Variants in SIDT2 observed in about 807,000 individuals in gnomAD.
SIDT2 encodes the protein SID1 transmembrane family member 2, also known as SID1 transmembrane family, member 2.
Under a neutral mutation model 114.4 loss-of-function variants are expected in SIDT2, and 68 were observed. The ratio of observed to expected loss-of-function variants is 0.59; its 90% confidence interval spans 0.49 to 0.73. The LOEUF is 0.73. SIDT2 is among the 30% of genes least tolerant of loss of function. SIDT2 has a pLI of 0.00. For synonymous variants in SIDT2, 470 were observed against 438.4 expected (o/e 1.07, Z -0.90); for missense variants, 918 against 1,097.1 (o/e 0.84, Z 2.31).
chr11:117,179,387 G>C lies in SIDT2; in HGVS notation c.124G>C (p.Glu42Gln), dbSNP rs900961851. 1.2e-6 allele frequency: 2 copies of C among 1,613,744 alleles called. No individual in the cohort carries two copies. The highest frequency in any genetic ancestry group is 1.7e-6 in the Non-Finnish European group (2 of 1,179,894). ...CGAGTTTGAGCGCACCTACGTGGAC[G>C]AGGTCAACAGCGAGCTGGTCAACAT... is the stretch of plus-strand genomic sequence containing the variant. Reference protein sequence around the residue: ...DAEFERTYVDEVNSELVNIYT... With the variant: ...DAEFERTYVDQVNSELVNIYT... The change falls in exon 1 of 26, where the codon GAG becomes CAG. Residue 42 changes from glutamate to glutamine, a missense_variant. This residue lies in a region of SIDT2 where 553 missense variants were observed against 600.1 expected (regional missense o/e 0.92). Coordinates refer to ENST00000324225, the MANE Select transcript of SIDT2 (RefSeq NM_001040455.2).
rs746735121 is a variant in SIDT2, at chr11:117,179,215, TCGCCGCCGC to T, written c.-41_-33del. ...CGTCCCGGAGGTGTCCTGTCTCCTG[TCGCCGCCGC>T]CGCCGCCACCACCGCTGCCACTGCC... On this transcript the variant is annotated 5_prime_UTR_variant, in exon 1 of 26. Coordinates refer to ENST00000324225, the MANE Select transcript of SIDT2 (RefSeq NM_001040455.2). 4.6e-5 allele frequency: 73 copies of T among 1,574,516 alleles called. No individual in the cohort carries two copies. Among genetic ancestry groups the T allele is most frequent in the Middle Eastern group, 3.9e-4 (2 of 5,084 alleles).
In SIDT2 at chr11:117,192,289, C is replaced by A; in HGVS notation, c.1908C>A (p.Val636=). The A allele has an allele frequency of 6.2e-7, 1 of 1,612,580 alleles. No homozygotes were observed. The highest frequency in any genetic ancestry group is 1.7e-5 in the Admixed American group (1 of 60,020). ...AAGGGAACACGGCGTTCTGGATCGT[C>A]TTCTCCATCATTCACATCATCGCCA... The part of the protein sequence containing the change: ...FGKGNTAFWI[V]FSIIHIIATL... The change falls in exon 20 of 26, where the codon GTC becomes GTA. Residue 636 remains valine (V), a synonymous_variant. Coordinates refer to ENST00000324225, the MANE Select transcript of SIDT2 (RefSeq NM_001040455.2). This position sits in a 1 kb window ranked among gnomAD's most constrained non-coding sequence, Gnocchi z 5.9.
chr11:117,186,785 G>C, intron 10 of SIDT2, 149 bp downstream of exon 10: 1 of 938,226 alleles, frequency 1.1e-6, no homozygotes, highest in Non-Finnish European at 1.6e-6. Context: ...TGGGAATGAG[G>C]CTGGGATATG....
chr11:117,193,773 A>C, intron 23 of SIDT2, 80 bp from the exon 24 acceptor site: 1 of 1,009,606 alleles, frequency 9.9e-7, no homozygotes, highest in Non-Finnish European at 1.6e-6. Context: ...AGGAAAGGGA[A>C]TCTGGGAAAG....
chr11:117,188,797 G>T lies in SIDT2; in HGVS notation c.1249G>T (p.Asp417Tyr), dbSNP rs1262556168. 1.2e-6 allele frequency: 2 copies of T among 1,614,136 alleles called. No homozygotes were observed. ...EDDYDTLTDI[D>Y]SDKNVIRTKQ... ...TGACTACGACACATTGACCGACATC[G>T]ATTCCGACAAGAATGTCATTCGCAC... The change falls in exon 13 of 26, where the codon GAT (aspartate) becomes TAT (tyrosine). Residue 417 changes from aspartate to tyrosine, a missense_variant. Asp to Tyr is a radical substitution (Grantham distance 160). Transcript: ENST00000324225. The surrounding 1 kb of genome is among the most constrained non-coding windows in gnomAD (Gnocchi z 4.0).
intron 6 of SIDT2, 125 bp from the exon 7 acceptor site, chr11:117,183,654 C>A: frequency 8.6e-6 from 6 of 701,076 alleles, no homozygotes; most frequent in East Asian, 2.8e-5. Context: ...AAAAAAAAAT[C>A]TTGTGAGGAT....
In SIDT2 at chr11:117,186,593, G is replaced by T. The variant is rs1171028753; in HGVS notation, c.972G>T (p.Lys324Asn). 2 of 1,569,056 alleles carry T rather than the reference G, an allele frequency of 1.3e-6. No homozygotes were observed. Among genetic ancestry groups the T allele is most frequent in the Admixed American group, 1.9e-5 (1 of 51,682 alleles). The change falls in exon 10 of 26, where the codon AAG becomes AAT. Residue 324 changes from lysine to asparagine, a missense_variant. Coordinates refer to ENST00000324225, the MANE Select transcript of SIDT2 (RefSeq NM_001040455.2). The part of the protein sequence containing the change: ...LACWENWRQK[K>N]KTLLVAIDRA... ...GGTTCTGTCCATGCAGGCAGAAGAA[G>T]AAGACCCTGCTGGTGGCCATTGACC... is the stretch of plus-strand genomic sequence containing the variant.
rs772769776 is a variant in SIDT2, at chr11:117,192,525, C to T, written c.1982-49C>T. The stretch of plus-strand genomic sequence containing the variant: ...CAGCTGGCACATCCCAGGGGTCCAG[C>T]AAAGGAGGGTGCCCCGTGCCTGTCA... On this transcript the variant is annotated intron_variant, in intron 20 of 25. Transcript: ENST00000324225. The surrounding 1 kb of genome is among the most constrained non-coding windows in gnomAD (Gnocchi z 5.9). 6.3e-7 allele frequency: 1 copy of T among 1,598,102 alleles called. No homozygotes were observed. The highest frequency in any genetic ancestry group is 1.7e-5 in the Admixed American group (1 of 60,008).
At chr11:117,181,647 C>A in intron 2 of SIDT2, 110 bp downstream of exon 2, 1 of 1,578,726 alleles carries the variant, frequency 6.3e-7, no homozygotes, top group Non-Finnish European at 8.6e-7. Flanking sequence ...GGCTGGGAGG[C>A]TGGTCAACAG....
At position 117,192,253 on chromosome 11, in the gene SIDT2, G is replaced by A; in HGVS notation, c.1873-1G>A. 1.3e-6 allele frequency: 2 copies of A among 1,598,980 alleles called. No individual in the cohort carries two copies. The highest frequency in any genetic ancestry group is 8.6e-7 in the Non-Finnish European group (1 of 1,166,400). On this transcript the variant is annotated splice_acceptor_variant, in intron 19 of 25. Transcript: ENST00000324225. LOFTEE classifies it high-confidence loss of function. This position sits in a 1 kb window ranked among gnomAD's most constrained non-coding sequence, Gnocchi z 5.9. ...CGCTGCCCTTGGTGGCCTCCCGACA[G>A]GTCTTTGGCAAAGGGAACACGGCGT... is the stretch of plus-strand genomic sequence containing the variant.
rs2030733947 is a variant in SIDT2, at chr11:117,192,345, TG to T, written c.1967del (p.Gly656AlafsTer81). 6.2e-7 allele frequency: 1 copy of T among 1,602,984 alleles called. No individual in the cohort carries two copies. Among genetic ancestry groups the T allele is most frequent in the Non-Finnish European group, 8.5e-7 (1 of 1,170,454 alleles). ...CTCCTCAGCACGCAGCTCTATTACATGGGCCGGTGGAAACTGGGTAAGGGCA... is the reference window on the plus strand; with the variant it reads ...CTCCTCAGCACGCAGCTCTATTACATGGCCGGTGGAAACTGGGTAAGGGCA... The part of the protein sequence containing the change: ...TLLLSTQLYY[M>X]GRWKLDSGIF... On this transcript the variant is annotated frameshift_variant, in exon 20 of 26. Transcript: ENST00000324225. LOFTEE classifies it high-confidence loss of function. This position sits in a 1 kb window ranked among gnomAD's most constrained non-coding sequence, Gnocchi z 5.9.
chr11:117,195,294 A>C (rs1160028202), intron 24 of SIDT2, among the ~76,000 whole-genome samples: 1 of 152,084 alleles, frequency 6.6e-6, no homozygotes, highest in Non-Finnish European at 1.5e-5. Context: ...ACAGACAGAC[A>C]CAGCCTGGAT....
rs780140916 is a variant in SIDT2 at position 117,190,229 on chromosome 11, C to A, written c.1557C>A (p.Ile519=). The A allele has an allele frequency of 1.3e-6, 2 of 1,578,872 alleles. No homozygotes were observed. The highest frequency in any genetic ancestry group is 1.7e-6 in the Non-Finnish European group (2 of 1,162,842). The change falls in exon 17 of 26, where the codon ATC becomes ATA. Residue 519 remains isoleucine, a synonymous_variant. Transcript: ENST00000324225. This position sits in a 1 kb window ranked among gnomAD's most constrained non-coding sequence, Gnocchi z 4.1. The stretch of plus-strand genomic sequence containing the variant: ...TGCTGGGGCTGCTTTTCCTGCTCAT[C>A]ATCCTGCAACGGGAGATCAACCACA... ...YILLGLLFLL[I]ILQREINHNR...
At position 117,188,144 on chromosome 11, in the gene SIDT2, G is replaced by A. The variant is rs920344673; in HGVS notation, c.1159+445G>A. 2.1e-5 allele frequency: 8 copies of A among 379,706 alleles called. No homozygotes were observed. The highest frequency in any genetic ancestry group is 3.4e-5 in the Admixed American group (1 of 29,078). The allele number at this position is 379,706 out of a possible 1,614,324, so 23.5% of individuals were successfully genotyped here. A position where few individuals can be genotyped will look rare whatever the true frequency, so the allele number is the denominator to read the frequency against. On this transcript the variant is annotated intron_variant, in intron 12 of 25. Transcript: ENST00000324225. This position sits in a 1 kb window ranked among gnomAD's most constrained non-coding sequence, Gnocchi z 4.0. Reference sequence around the variant, plus strand: ...CTTTGGCTGGCGGGCTGGCGCCTCCGCTCTCTCCAGGCTGGACAATCTAGT... The same window carrying A: ...CTTTGGCTGGCGGGCTGGCGCCTCCACTCTCTCCAGGCTGGACAATCTAGT...
intron 24 of SIDT2, 182 bp downstream of exon 24, chr11:117,194,145 A>T: frequency 1.9e-6 from 1 of 529,998 alleles, no homozygotes; most frequent in Non-Finnish European, 3.3e-6. Flanking sequence ...TACAAAAAAT[A>T]AAAAAATAAA....
rs1318613010 is a variant in SIDT2 at position 117,192,456 on chromosome 11, C to T, written c.1981+94C>T. The T allele has an allele frequency of 2.2e-5, 31 of 1,422,084 alleles. No individual in the cohort carries two copies. Among genetic ancestry groups the T allele is most frequent in the Non-Finnish European group, 6.9e-6 (7 of 1,017,728 alleles). 88.1% of individuals were successfully genotyped at this position (1,422,084 alleles called of 1,614,324 possible). Reference sequence around the variant, plus strand: ...AGACGCTCAGGTTCTGTCTTGGGGGCCCTGGAGTCACTGGGTGAGGAATTA... The same window carrying T: ...AGACGCTCAGGTTCTGTCTTGGGGGTCCTGGAGTCACTGGGTGAGGAATTA... On this transcript the variant is annotated intron_variant, in intron 20 of 25. Transcript: ENST00000324225. The surrounding 1 kb of genome is among the most constrained non-coding windows in gnomAD (Gnocchi z 5.9).
chr11:117,185,988 A>G, intron 8 of SIDT2, 142 bp from the exon 9 acceptor site: 2 of 638,880 alleles, frequency 3.1e-6, no homozygotes, highest in Non-Finnish European at 2.7e-6. Context: ...AGTTGTTCAT[A>G]CTGGCTAGGC....
In SIDT2 at chr11:117,192,990, G is replaced by T; in HGVS notation, c.2105+124G>T. ...GGCATAAGACATGGGGGCTAAGAGA[G>T]ATCTTGGCCTCTCTTCTCTCTCTTG... On this transcript the variant is annotated intron_variant, in intron 22 of 25. Transcript: ENST00000324225. This position sits in a 1 kb window ranked among gnomAD's most constrained non-coding sequence, Gnocchi z 5.9. 7.2e-7 allele frequency: 1 copy of T among 1,390,884 alleles called. No individual in the cohort carries two copies. The highest frequency in any genetic ancestry group is 1.2e-5 in the South Asian group (1 of 86,490). The allele number at this position is 1,390,884 out of a possible 1,614,324, so 86.2% of individuals were successfully genotyped here.
intron 10 of SIDT2, 141 bp downstream of exon 10, chr11:117,186,777 G>C (rs1427486138): frequency 2.1e-6 from 2 of 941,550 alleles, no homozygotes; most frequent in Non-Finnish European, 3.2e-6. Flanking sequence ...TCCACAGATG[G>C]GAATGAGGCT....
Sources: allele counts gnomAD v4.1 joint callset (sites outside exome capture counted in the v4.1 genomes callset), GRCh38; gene constraint gnomAD v4.1.1; regional missense constraint gnomAD v4.1.1; non-coding constraint Gnocchi (gnomAD v3.1); transcripts MANE v1.5; gene names NCBI Gene and HGNC (gene_info 2026-07-23, HGNC 2026-07-21).